Variants in VPS13C observed in about 807,000 individuals in gnomAD.
The protein encoded by VPS13C is vacuolar protein sorting 13 homolog C, also known as intermembrane lipid transfer protein VPS13C.
Under a neutral mutation model 456.8 loss-of-function variants are expected in VPS13C, and 358 were observed. The observed-to-expected ratio is 0.78, with a 90% CI of 0.72 to 0.86. VPS13C has a LOEUF of 0.86. Among genes scored for constraint, VPS13C ranks in the 40% least tolerant of loss-of-function variants. The probability of loss-of-function intolerance (pLI) is 0.00; values close to 1 mark genes in which losing one functional copy is unlikely to be tolerated. For synonymous variants in VPS13C, 1,578 were observed against 1,486.7 expected (o/e 1.06, Z -1.41); for missense variants, 4,818 against 4,385.4 (o/e 1.10, Z -2.79).
intron 15 of VPS13C, among the ~76,000 whole-genome samples, chr15:62,005,589 G>C (rs1231700722): frequency 1.3e-4 from 20 of 150,416 alleles, no homozygotes; most frequent in South Asian, 4.3e-4. Context: ...TTGCTCGTTA[G>C]TTGATGCAGT....
intron 77 of VPS13C, 73 bp from the exon 78 acceptor site, chr15:61,873,482 AT>A: frequency 7.0e-7 from 1 of 1,431,544 alleles, no homozygotes; most frequent in African/African-American, 1.4e-5. Context: ...AAGAAAACAA[AT>A]AATCTGATTT....
chr15:62,042,069 GAAC>G (rs1425298329), intron 2 of VPS13C, among the ~76,000 whole-genome samples: 2 of 152,000 alleles, frequency 1.3e-5, no homozygotes, highest in African/African-American at 2.4e-5. Flanking sequence ...AAACATTACT[GAAC>G]AACAGTTCTC....
chr15:62,001,114 G>A (rs2046597131), intron 15 of VPS13C, among the ~76,000 whole-genome samples: 1 of 152,110 alleles, frequency 6.6e-6, no homozygotes, highest in African/African-American at 2.4e-5. Flanking sequence ...AGTACGTGGG[G>A]GAATCCAACA....
Position 61,983,887 on chromosome 15 carries a change from G to T in VPS13C, c.1847C>A (p.Pro616Gln). Residue 616 changes from proline to glutamine, a missense_variant, in exon 20 of 85, where the codon CCG becomes CAG. By Grantham distance (76) the Pro-to-Gln change is moderately conservative. Around this residue, in one of 3 missense-constraint regions of VPS13C, gnomAD observed 4,552 missense variants for 4,130.6 expected, o/e 1.10. Coordinates refer to ENST00000644861, the MANE Select transcript of VPS13C (RefSeq NM_020821.3). Reference sequence around the variant, plus strand: ...AGTCTGGTCAGCAGGACTATCCTCCGGATTGGTTTCAAATTTAATTTTAAG... The same window carrying T: ...AGTCTGGTCAGCAGGACTATCCTCCTGATTGGTTTCAAATTTAATTTTAAG... ...SLLKIKFETN[P>Q]EDSPADQTLI... 6.2e-7 allele frequency: 1 copy of T among 1,614,050 alleles called. No homozygotes were observed. The highest frequency in any genetic ancestry group is 8.5e-7 in the Non-Finnish European group (1 of 1,179,990).
At chr15:62,024,574 C>T (rs2047571468) in intron 6 of VPS13C, among the ~76,000 whole-genome samples, 1 of 152,068 alleles carries the variant, frequency 6.6e-6, no homozygotes, top group African/African-American at 2.4e-5. Flanking sequence ...CTCTAGTCTC[C>T]AGCCTCAGCT....
In VPS13C at chr15:61,941,878, C is replaced by A. The variant is rs1201003603; in HGVS notation, c.5338G>T (p.Asp1780Tyr). 2 of 1,613,996 alleles carry A rather than the reference C, an allele frequency of 1.2e-6. No individual in the cohort carries two copies. The highest frequency in any genetic ancestry group is 1.7e-6 in the Non-Finnish European group (2 of 1,179,920). Residue 1780 changes from aspartate (D) to tyrosine (Y), a missense_variant, in exon 46 of 85, where the codon GAT becomes TAT. Physicochemically the swap from Asp to Tyr is radical, Grantham distance 160. Transcript: ENST00000644861. ...TTTTCAACTCTGATTAAACCCAGAT[C>A]TGCTATAACAGCATTAGGTGATACT... Reference protein sequence around the residue: ...SSVSPNAVIADLGLIRVENKF... With the variant: ...SSVSPNAVIAYLGLIRVENKF...
chr15:62,022,941 CAT>C (rs1263194841), intron 8 of VPS13C, among the ~76,000 whole-genome samples: 2 of 151,968 alleles, frequency 1.3e-5, no homozygotes, highest in East Asian at 3.9e-4. Context: ...TACTGTTGCA[CAT>C]GTGTGTGAAT....
chr15:62,018,530 A>T (rs1379321412), intron 9 of VPS13C, among the ~76,000 whole-genome samples: 1 of 151,862 alleles, frequency 6.6e-6, no homozygotes, highest in Non-Finnish European at 1.5e-5. Context: ...CCTTTTCTGC[A>T]TCTATTGAGA....
intron 62 of VPS13C, among the ~76,000 whole-genome samples, chr15:61,913,023 A>G (rs2043350140): frequency 6.6e-6 from 1 of 151,010 alleles, no homozygotes; most frequent in Non-Finnish European, 1.5e-5. Context: ...TTAAAAAGTC[A>G]GGAAACAACA....
At chr15:61,865,731 T>C (rs759449740) in intron 81 of VPS13C, 33 of 518,536 alleles carry the variant, frequency 6.4e-5, no homozygotes, top group Non-Finnish European at 7.4e-5. Flanking sequence ...TATGTGTTTG[T>C]GTGTATGTAT....
chr15:62,001,848 T>A (rs1292547307), intron 15 of VPS13C, among the ~76,000 whole-genome samples: 1 of 152,230 alleles, frequency 6.6e-6, no homozygotes, highest in Non-Finnish European at 1.5e-5. Context: ...GGACATGAAC[T>A]CATCATTTTT....
rs551036213 is a variant in VPS13C, at chr15:61,901,727, A to G, written c.9105+5537T>C. ...GGCGATTCCTCAGGGATCTAGAACT[A>G]GAAATACCATTTGACCCAGCCATCC... On this transcript the variant is annotated intron_variant, in intron 66 of 84. Coordinates refer to ENST00000644861, the MANE Select transcript of VPS13C (RefSeq NM_020821.3). Among the ~76,000 whole-genome samples, 304 of 152,060 alleles carry G rather than the reference A, an allele frequency of 2.0e-3. 3 individuals are homozygous for G. The highest frequency in any genetic ancestry group is 6.0e-3 in the African/African-American group (247 of 41,498).
At chr15:62,032,697 T>C (rs2047858575) in intron 5 of VPS13C, among the ~76,000 whole-genome samples, 1 of 151,756 alleles carries the variant, frequency 6.6e-6, no homozygotes, top group African/African-American at 2.4e-5. Context: ...AGAGAGACTA[T>C]CTTCATCATA....
chr15:61,950,237 G>T, intron 41 of VPS13C, 121 bp downstream of exon 41: 3 of 722,090 alleles, frequency 4.2e-6, no homozygotes, highest in South Asian at 1.7e-5. Flanking sequence ...CATAAATTAG[G>T]AATATTATTA....
At chr15:62,006,099 TA>T (rs1259960273) in intron 15 of VPS13C, among the ~76,000 whole-genome samples, 2 of 120,620 alleles carry the variant, frequency 1.7e-5, no homozygotes, top group African/African-American at 5.5e-5. Flanking sequence ...AAGAAATTCT[TA>T]TTTTTTTTTT....
chr15:61,890,102 T>G, intron 67 of VPS13C, 63 bp downstream of exon 67: 2 of 1,474,030 alleles, frequency 1.4e-6, no homozygotes, highest in Non-Finnish European at 1.9e-6. Context: ...TTTCTTCAAA[T>G]CGGCTATTAT....
At chr15:61,866,011 A>G (rs1374923907) in intron 81 of VPS13C, 2 of 983,482 alleles carry the variant, frequency 2.0e-6, no homozygotes, top group Non-Finnish European at 2.4e-6. Context: ...TTATACTCTA[A>G]TACTCTTTAA....
At chr15:61,935,882 G>C (rs767771512) in intron 48 of VPS13C, 2 of 152,160 alleles carry the variant, frequency 1.3e-5, no homozygotes, top group Non-Finnish European at 2.9e-5. Context: ...GAGAGCATTA[G>C]AAAAGCACAG....
At chr15:62,010,932 T>A (rs976526176) in intron 12 of VPS13C, among the ~76,000 whole-genome samples, 1 of 152,138 alleles carries the variant, frequency 6.6e-6, no homozygotes, top group African/African-American at 2.4e-5. Flanking sequence ...CATTTAATGA[T>A]TGTATTATTC....
Sources: allele counts gnomAD v4.1 joint callset (sites outside exome capture counted in the v4.1 genomes callset), GRCh38; gene constraint gnomAD v4.1.1; regional missense constraint gnomAD v4.1.1; transcripts MANE v1.5; gene names NCBI Gene and HGNC (gene_info 2026-07-23, HGNC 2026-07-21).